The following ADARB2 variants were observed in gnomAD, a reference collection of about 807,000 sequenced individuals.
ADARB2 encodes the protein adenosine deaminase RNA specific B2 (inactive), also known as inactive double-stranded RNA-specific editase B2.
ADARB2 carries 25 observed loss-of-function variants against 62.2 expected under a neutral mutation model. The ratio of observed to expected loss-of-function variants is 0.40; its 90% CI spans 0.29 to 0.56. The LOEUF (loss-of-function observed/expected upper bound fraction) is 0.56, where lower values mean the gene tolerates loss of function less well. ADARB2 is among the 20% of genes least tolerant of loss of function. ADARB2 has a pLI of 0.43. For missense variants in ADARB2, 1,071 were observed against 1,077.4 expected, an observed-to-expected ratio of 0.99 and a Z score of 0.08; for synonymous variants, 572 against 500.8, an observed-to-expected ratio of 1.14 and a Z score of -1.90.
At chr10:1,285,010 G>T (rs1831400496) in intron 3 of ADARB2, among the ~76,000 whole-genome samples, 1 of 152,132 alleles carries the variant, frequency 6.6e-6, no homozygotes, top group Non-Finnish European at 1.5e-5. Context: ...GACGAGAGAG[G>T]CTGGACTGGG....
At chr10:1,480,052 C>A (rs1365076557) in intron 1 of ADARB2, among the ~76,000 whole-genome samples, 1 of 141,972 alleles carries the variant, frequency 7.0e-6, no homozygotes, top group Non-Finnish European at 1.6e-5. Flanking sequence ...TGATAAAAAC[C>A]ATATACAAAA....
intron 3 of ADARB2, among the ~76,000 whole-genome samples, chr10:1,305,187 CA>C (rs1263459664): frequency 7.0e-6 from 1 of 143,684 alleles, no homozygotes; most frequent in African/African-American, 2.5e-5. Context: ...AGAGAAGAAT[CA>C]AATAGACGCA....
intron 1 of ADARB2, among the ~76,000 whole-genome samples, chr10:1,528,313 G>A (rs1832176107): frequency 6.6e-6 from 1 of 152,200 alleles, no homozygotes; most frequent in Non-Finnish European, 1.5e-5. Context: ...CTCCATTTCT[G>A]GTTCCTTTCA....
At chr10:1,731,235 G>A (rs1229529517) in intron 1 of ADARB2, among the ~76,000 whole-genome samples, 1 of 152,158 alleles carries the variant, frequency 6.6e-6, no homozygotes, top group African/African-American at 2.4e-5. Flanking sequence ...CAGGGCCTAC[G>A]AGCCCTGTTT....
chr10:1,194,359 C>T (rs1374709998), intron 8 of ADARB2, among the ~76,000 whole-genome samples: 3 of 152,224 alleles, frequency 2.0e-5, no homozygotes, highest in Admixed American at 6.5e-5. Context: ...GGACTCTAGA[C>T]GTGCCACTGC....
chr10:1,329,241 AT>A (rs1209682977), intron 3 of ADARB2, among the ~76,000 whole-genome samples: 1 of 152,204 alleles, frequency 6.6e-6, no homozygotes, highest in African/African-American at 2.4e-5. Flanking sequence ...AGATGTGAAA[AT>A]TGTCAGACTA....
chr10:1,608,180 G>C (rs1309592891), intron 1 of ADARB2, among the ~76,000 whole-genome samples: 2 of 152,226 alleles, frequency 1.3e-5, no homozygotes, highest in Non-Finnish European at 2.9e-5. Context: ...CCAACGTCTG[G>C]AGCGGGGTTT....
intron 1 of ADARB2, chr10:1,676,007 G>C: frequency 9.1e-6 from 9 of 985,298 alleles, no homozygotes; most frequent in African/African-American, 1.7e-5. Context: ...CCCGACTTTG[G>C]TAAGAGGCTG....
intron 5 of ADARB2, among the ~76,000 whole-genome samples, chr10:1,234,737 C>CTTTTTTTT (rs71376899): frequency 3.2e-4 from 17 of 53,634 alleles, no homozygotes; most frequent in Admixed American, 6.4e-4. Flanking sequence ...CGACCATGAT[C>CTTTTTTTT]TTTTTTTTTT....
Position 1,534,143 on chromosome 10 carries a change from T to C in ADARB2, c.101-154983A>G, listed in dbSNP as rs533051920. 7.8e-3 allele frequency among the ~76,000 whole-genome samples: 1,182 copies of C among 151,314 alleles called. 23 individuals are homozygous for C. The highest frequency in any genetic ancestry group is 0.027 in the African/African-American group (1,127 of 41,352). On this transcript the variant is annotated intron_variant, in intron 1 of 9. Coordinates refer to ENST00000381312, the MANE Select transcript of ADARB2 (RefSeq NM_018702.4). ...ATTTTCCTGCATTGAAATAGTTTTT[T>C]TTTTTTTTTTTGAGAAGGAGTTTCA...
intron 1 of ADARB2, among the ~76,000 whole-genome samples, chr10:1,565,915 T>C (rs888096827): frequency 2.0e-5 from 3 of 152,052 alleles, no homozygotes; most frequent in Admixed American, 6.5e-5. Context: ...CCCCACCCTA[T>C]CAGCCATCAC....
intron 8 of ADARB2, among the ~76,000 whole-genome samples, chr10:1,195,821 TG>T (rs1218661849): frequency 6.6e-6 from 1 of 152,050 alleles, no homozygotes; most frequent in Non-Finnish European, 1.5e-5. Flanking sequence ...AAGATGATGG[TG>T]GGGGCCAGTT....
intron 4 of ADARB2, among the ~76,000 whole-genome samples, chr10:1,245,545 T>A (rs1830977866): frequency 6.9e-6 from 1 of 144,124 alleles, no homozygotes; most frequent in Non-Finnish European, 1.5e-5. Flanking sequence ...TGTGCATGTG[T>A]TCTCATTCTT....
Position 1,275,658 on chromosome 10 carries a change from TCCCCCCA to T in ADARB2, c.1078-4596_1078-4590del, listed in dbSNP as rs1831309161. Among the ~76,000 whole-genome samples the T allele has an allele frequency of 1.7e-4, 8 of 46,586 alleles. No individual in the cohort carries two copies. In the South Asian group the frequency reaches 7.5e-3, roughly 44 times the overall value. The allele number at this position is 46,586 out of a possible 152,430, so 30.6% of individuals were successfully genotyped here. ...ATCTCCTAATGCTATCCCTCCCCCC[TCCCCCCA>T]CCCCACAACAGGCCCCGGTTGTGAT... On this transcript the variant is annotated intron_variant, in intron 3 of 9. Coordinates refer to ENST00000381312, the MANE Select transcript of ADARB2 (RefSeq NM_018702.4).
Position 1,303,249 on chromosome 10 carries a change from G to C in ADARB2, c.1078-32180C>G, listed in dbSNP as rs572741615. On this transcript the variant is annotated intron_variant, in intron 3 of 9. Transcript: ENST00000381312. ...GAAGAATGCAGAAGCCTCAGGAGCC[G>C]ATGCGATCAACTGGAAGAAAGGGTA... Among the ~76,000 whole-genome samples the C allele has an allele frequency of 1.1e-3, 166 of 152,196 alleles. No homozygotes were observed. The Middle Eastern group carries it at 0.017, about 16-fold the overall frequency.
chr10:1,680,345 C>T (rs577779000), intron 1 of ADARB2, among the ~76,000 whole-genome samples: 6 of 152,100 alleles, frequency 3.9e-5, no homozygotes, highest in Admixed American at 3.9e-4. Context: ...TTGAAATAAC[C>T]TTTGGGTCCT....
chr10:1,712,732 C>T (rs1834965519), intron 1 of ADARB2, among the ~76,000 whole-genome samples: 1 of 138,524 alleles, frequency 7.2e-6, no homozygotes, highest in African/African-American at 2.8e-5. Context: ...CCTCAGCCTC[C>T]CGAGTAGCTG....
chr10:1,341,556 T>C (rs546250387), intron 3 of ADARB2, among the ~76,000 whole-genome samples: 8 of 145,116 alleles, frequency 5.5e-5, no homozygotes, highest in African/African-American at 1.8e-4. Context: ...GAGAACCACG[T>C]GCCCCACAGT....
chr10:1,390,099 T>C (rs1035125257), intron 1 of ADARB2, among the ~76,000 whole-genome samples: 10 of 152,238 alleles, frequency 6.6e-5, no homozygotes. Context: ...ATTTATACAA[T>C]GAATTACTCT....
Sources: allele counts gnomAD v4.1 joint callset (sites outside exome capture counted in the v4.1 genomes callset), GRCh38; gene constraint gnomAD v4.1.1; transcripts MANE v1.5; gene names NCBI Gene and HGNC (gene_info 2026-07-23, HGNC 2026-07-21).